AGBL4: variants seen among roughly 807,000 people sequenced by gnomAD.
AGBL4 encodes AGBL carboxypeptidase 4, also known as cytosolic carboxypeptidase 6.
Under a neutral mutation model 66.4 loss-of-function variants are expected in AGBL4, and 58 were observed. The observed-to-expected ratio is 0.87, with a 90% confidence interval of 0.71 to 1.09. The LOEUF (loss-of-function observed/expected upper bound fraction) is 1.09, where lower values mean the gene tolerates loss of function less well. Ranked by LOEUF, AGBL4 falls within the 50% of genes least tolerant of loss-of-function variation. AGBL4 has a pLI of 0.00. For synonymous variants in AGBL4, 234 were observed against 222.9 expected (o/e 1.05, Z -0.44); for missense variants, 579 against 631.0 (o/e 0.92, Z 0.88).
At chr1:48,651,285 G>T (rs1645925991) in intron 8 of AGBL4, among the ~76,000 whole-genome samples, 1 of 152,216 alleles carries the variant, frequency 6.6e-6, no homozygotes, top group South Asian at 2.1e-4. Flanking sequence ...CAAAATCTCT[G>T]GGGCTTGAAG....
chr1:49,936,159 A>G (rs1653985955), intron 1 of AGBL4, among the ~76,000 whole-genome samples: 1 of 152,262 alleles, frequency 6.6e-6, no homozygotes, highest in Non-Finnish European at 1.5e-5. Context: ...GATGGAGCTG[A>G]AAGCCGAGGC....
intron 4 of AGBL4, among the ~76,000 whole-genome samples, chr1:49,093,626 G>C (rs896676094): frequency 6.6e-6 from 1 of 152,286 alleles, no homozygotes; most frequent in South Asian, 2.1e-4. Flanking sequence ...ATGACTTGGA[G>C]AAGGTAGTAT....
chr1:49,652,354 C>A (rs1450746175), intron 3 of AGBL4, among the ~76,000 whole-genome samples: 4 of 152,112 alleles, frequency 2.6e-5, no homozygotes, highest in Non-Finnish European at 5.9e-5. Flanking sequence ...TAGAGAACAC[C>A]TGAAAGCTAT....
intron 5 of AGBL4, among the ~76,000 whole-genome samples, chr1:48,940,209 C>T (rs1655846542): frequency 6.6e-6 from 1 of 152,162 alleles, no homozygotes; most frequent in Admixed American, 6.6e-5. Context: ...GAAACCTCTT[C>T]TCTACTAAAA....
At chr1:49,796,206 A>C (rs915972905) in intron 2 of AGBL4, among the ~76,000 whole-genome samples, 2 of 151,934 alleles carry the variant, frequency 1.3e-5, no homozygotes, top group African/African-American at 4.8e-5. Flanking sequence ...TAGATGAGTA[A>C]GTAATGATTT....
intron 2 of AGBL4, among the ~76,000 whole-genome samples, chr1:49,807,570 A>G (rs1195052230): frequency 1.3e-5 from 2 of 152,204 alleles, no homozygotes; most frequent in Non-Finnish European, 2.9e-5. Flanking sequence ...AGTCTCATCC[A>G]TATCTAATTG....
intron 5 of AGBL4, among the ~76,000 whole-genome samples, chr1:48,980,621 G>A (rs1659672609): frequency 6.6e-6 from 1 of 150,882 alleles, no homozygotes; most frequent in African/African-American, 2.4e-5. Context: ...GAATACTTGA[G>A]CCCAGGAGTT....
chr1:49,990,478 T>TTATA (rs1408281856), intron 1 of AGBL4, among the ~76,000 whole-genome samples: 2 of 152,200 alleles, frequency 1.3e-5, no homozygotes, highest in Admixed American at 1.3e-4. Context: ...TTTGCCATGA[T>TTATA]TATAAGTTTC....
intron 3 of AGBL4, among the ~76,000 whole-genome samples, chr1:49,582,925 A>T (rs956007470): frequency 1.3e-5 from 2 of 152,186 alleles, no homozygotes; most frequent in African/African-American, 4.8e-5. Flanking sequence ...GTTTTCAGCA[A>T]AAGTGGTTTT....
intron 3 of AGBL4, among the ~76,000 whole-genome samples, chr1:49,379,544 A>G (rs1188621774): frequency 2.6e-5 from 4 of 152,050 alleles, no homozygotes; most frequent in Non-Finnish European, 4.4e-5. Flanking sequence ...TTATTTTGAG[A>G]TATGTCCCAT....
intron 2 of AGBL4, among the ~76,000 whole-genome samples, chr1:49,817,387 C>A (rs1034452300): frequency 6.6e-6 from 1 of 152,090 alleles, no homozygotes; most frequent in South Asian, 2.1e-4. Flanking sequence ...CCTTTATGCA[C>A]TATGAGTTAA....
chr1:48,835,212 T>C (rs1480639514), intron 6 of AGBL4, among the ~76,000 whole-genome samples: 1 of 152,156 alleles, frequency 6.6e-6, no homozygotes, highest in East Asian at 1.9e-4. Context: ...AGGGAGTCAG[T>C]CTACCCTGCC....
chr1:49,657,049 A>G (rs890101189), intron 3 of AGBL4, among the ~76,000 whole-genome samples: 1 of 152,190 alleles, frequency 6.6e-6, no homozygotes, highest in Admixed American at 6.5e-5. Context: ...TTCAATTAGG[A>G]AAAGAGGAAG....
rs759638908 is a variant in AGBL4 at position 49,923,981 on chromosome 1, C to T, written c.35-72463G>A. On this transcript the variant is annotated intron_variant, in intron 1 of 13. Coordinates refer to ENST00000371839, the MANE Select transcript of AGBL4 (RefSeq NM_032785.4). ...CCCATTACTAGAGTATATACCCAAA[C>T]GAATATAAATTGTTCTATTATATAG... Among the ~76,000 whole-genome samples the T allele has an allele frequency of 5.9e-5, 9 of 152,126 alleles. No homozygotes were observed. The South Asian group carries it at 1.0e-3, about 18-fold the overall frequency.
At chr1:49,671,909 T>C (rs925546864) in intron 3 of AGBL4, among the ~76,000 whole-genome samples, 1 of 152,106 alleles carries the variant, frequency 6.6e-6, no homozygotes, top group South Asian at 2.1e-4. Context: ...AGTTCAACTA[T>C]GGTAGAAAGC....
intron 3 of AGBL4, among the ~76,000 whole-genome samples, chr1:49,658,756 G>A (rs1435620487): frequency 1.3e-5 from 2 of 151,838 alleles, no homozygotes; most frequent in Non-Finnish European, 2.9e-5. Flanking sequence ...ACTATCGCAA[G>A]GACAAAAAAC....
At chr1:48,883,527 G>A (rs747998612) in intron 5 of AGBL4, among the ~76,000 whole-genome samples, 6 of 152,108 alleles carry the variant, frequency 3.9e-5, no homozygotes, top group Non-Finnish European at 7.4e-5. Context: ...TTGACTCTCC[G>A]TCCCCACTGC....
intron 5 of AGBL4, among the ~76,000 whole-genome samples, chr1:48,995,869 A>C (rs1385031354): frequency 6.6e-6 from 1 of 152,202 alleles, no homozygotes; most frequent in African/African-American, 2.4e-5. Flanking sequence ...AAGCCAAGAA[A>C]GGTTTTAAGC....
At position 48,534,153 on chromosome 1, in the gene AGBL4, C is replaced by G. The variant is rs1333824439; in HGVS notation, c.*20G>C. ...AATGCATGCTCCTGTCCCCATAAGA[C>G]CTCCCAGGACTCCGTGTCTTTAAAA... On this transcript the variant is annotated 3_prime_UTR_variant, in exon 14 of 14. Coordinates refer to ENST00000371839, the MANE Select transcript of AGBL4 (RefSeq NM_032785.4). 4.5e-6 allele frequency: 7 copies of G among 1,551,444 alleles called. No individual in the cohort carries two copies. The highest frequency in any genetic ancestry group is 6.1e-6 in the Non-Finnish European group (7 of 1,146,820).
Sources: gnomAD v4.1 joint callset for allele counts (sites outside exome capture counted in the v4.1 genomes callset) on GRCh38, gnomAD v4.1.1 for gene constraint, MANE v1.5 for transcripts, NCBI Gene and HGNC (gene_info 2026-07-23, HGNC 2026-07-21) for gene names.